The following SPG11 variants were observed in gnomAD, a reference collection of about 807,000 sequenced individuals.
The protein encoded by SPG11 is spatacsin.
A neutral mutation model predicts 274.0 loss-of-function variants in SPG11; 222 were observed. The ratio of observed to expected loss-of-function variants is 0.81; its 90% CI spans 0.73 to 0.91. The LOEUF is 0.91. SPG11 is among the 40% of genes least tolerant of loss of function. The pLI is 0.00. For missense variants in SPG11, 3,114 were observed against 2,872.7 expected, an observed-to-expected ratio of 1.08 and a Z score of -1.92; for synonymous variants, 1,144 against 1,039.7, an observed-to-expected ratio of 1.10 and a Z score of -1.93.
chr15:44,646,193 C>T (rs555967971), intron 7 of SPG11, among the ~76,000 whole-genome samples: 4 of 152,206 alleles, frequency 2.6e-5, no homozygotes, highest in African/African-American at 9.6e-5. Flanking sequence ...ATATTCCTCA[C>T]GGCACTATTG....
rs756274932 is a variant in SPG11, at chr15:44,600,491, A to T, written c.3662T>A (p.Ile1221Asn). 2 of 1,614,096 alleles carry T rather than the reference A, an allele frequency of 1.2e-6. No homozygotes were observed. The highest frequency in any genetic ancestry group is 1.7e-6 in the Non-Finnish European group (2 of 1,179,994). ...CAGCTGCTTGGGAGTCTTGCTCTTG[A>T]TTAATTCCTGGACCAGAAAAGTACC... ...AFGTFLVQEL[I>N]KSKTPKQLIQ... The change falls in exon 21 of 40, where the codon ATC (isoleucine) becomes AAC (asparagine). Residue 1221 changes from isoleucine (I) to asparagine (N), a missense_variant. Physicochemically the swap from Ile to Asn is moderately radical, Grantham distance 149. Transcript: ENST00000261866.
intron 8 of SPG11, among the ~76,000 whole-genome samples, chr15:44,632,596 G>T (rs2084102689): frequency 6.6e-6 from 1 of 150,986 alleles, no homozygotes; most frequent in South Asian, 2.1e-4. Flanking sequence ...CTGCAGCCTA[G>T]ACCTCCCAGA....
chr15:44,566,029 AG>A lies in SPG11; in HGVS notation c.6844-21del, dbSNP rs776784124. ...GGAGTCCTGAGGAACAAGGGTGGAG[AG>A]GCACAGTAGAGAAAGACCTAGTTGT... is the stretch of plus-strand genomic sequence containing the variant. On this transcript the variant is annotated intron_variant, in intron 37 of 39. Coordinates refer to ENST00000261866, the MANE Select transcript of SPG11 (RefSeq NM_025137.4). 1.2e-6 allele frequency: 2 copies of A among 1,613,186 alleles called. No homozygotes were observed. The highest frequency in any genetic ancestry group is 1.7e-6 in the Non-Finnish European group (2 of 1,179,982).
At chr15:44,612,190 T>C (rs2083477331) in intron 17 of SPG11, among the ~76,000 whole-genome samples, 2 of 152,200 alleles carry the variant, frequency 1.3e-5, no homozygotes, top group African/African-American at 2.4e-5. Flanking sequence ...AAAACATAGA[T>C]GTTTCTTGTT....
chr15:44,570,790 C>T (rs1052101845), intron 33 of SPG11, 132 bp from the exon 34 acceptor site: 9 of 1,170,222 alleles, frequency 7.7e-6, no homozygotes, highest in East Asian at 2.6e-5. Context: ...ATCAGCCCTC[C>T]GAAGTCCCTG....
intron 11 of SPG11, 77 bp from the exon 12 acceptor site, chr15:44,622,876 C>T: frequency 1.0e-6 from 1 of 973,692 alleles, no homozygotes; most frequent in Non-Finnish European, 1.7e-6. Context: ...GTGTTAGATA[C>T]AGAAACACCC....
At chr15:44,652,377 A>C in intron 4 of SPG11, 111 bp from the exon 5 acceptor site, 1 of 1,163,158 alleles carries the variant, frequency 8.6e-7, no homozygotes, top group Non-Finnish European at 1.2e-6. Context: ...ATAGTACAAC[A>C]AATTCCGCAG....
chr15:44,640,181 G>A (rs1259534284), intron 7 of SPG11, among the ~76,000 whole-genome samples: 1 of 152,190 alleles, frequency 6.6e-6, no homozygotes, highest in East Asian at 1.9e-4. Flanking sequence ...CTGCACTCCA[G>A]CCTGGGTGAC....
At chr15:44,596,388 C>G in intron 24 of SPG11, 33 bp from the exon 25 acceptor site, 10 of 1,612,518 alleles carry the variant, frequency 6.2e-6, no homozygotes, top group Non-Finnish European at 8.5e-6. Context: ...AAACAGAAAC[C>G]CAACTTTCAG....
At chr15:44,643,017 G>C (rs76246194) in intron 7 of SPG11, among the ~76,000 whole-genome samples, 3,006 of 152,232 alleles carry the variant, frequency 0.02, 111 homozygotes, top group African/African-American at 0.069. Flanking sequence ...AAGAATATTT[G>C]TTTTACTATT....
chr15:44,617,410 G>A (rs2083616614), intron 15 of SPG11, among the ~76,000 whole-genome samples: 2 of 152,198 alleles, frequency 1.3e-5, no homozygotes, highest in Admixed American at 1.3e-4. Flanking sequence ...AAGGTAGGGA[G>A]GGGAATCTGA....
In SPG11 at chr15:44,608,509, G is replaced by C. The variant is rs2083379778; in HGVS notation, c.3388C>G (p.Leu1130Val). The C allele has an allele frequency of 2.5e-6, 4 of 1,614,148 alleles. No homozygotes were observed. The highest frequency in any genetic ancestry group is 3.4e-6 in the Non-Finnish European group (4 of 1,180,032). ...CTAGGAGGAGTGCACTGTGGGAAGA[G>C]AGCAGTTTTTAGCTTGGGGTAAGGA... Reference protein sequence around the residue: ...LTPYPKLKTALFPQCTPPSVL... With the variant: ...LTPYPKLKTAVFPQCTPPSVL... The change falls in exon 19 of 40, where the codon CTC (leucine) becomes GTC (valine). Residue 1130 changes from leucine (L) to valine (V), a missense_variant. Coordinates refer to ENST00000261866, the MANE Select transcript of SPG11 (RefSeq NM_025137.4).
chr15:44,600,319 C>A, intron 21 of SPG11, 148 bp downstream of exon 21: 1 of 800,220 alleles, frequency 1.2e-6, no homozygotes, highest in South Asian at 1.5e-5. Flanking sequence ...CAGAGCCTCA[C>A]TGTCACCCAG....
intron 39 of SPG11, among the ~76,000 whole-genome samples, chr15:44,563,535 G>A (rs2082241393): frequency 1.3e-5 from 2 of 152,158 alleles, no homozygotes; most frequent in South Asian, 4.1e-4. Flanking sequence ...ACAGCGTTCT[G>A]CTATGTTGGC....
At chr15:44,626,535 A>C (rs1182962814) in intron 10 of SPG11, 28 bp from the exon 11 acceptor site, 3 of 1,610,640 alleles carry the variant, frequency 1.9e-6, no homozygotes, top group Non-Finnish European at 1.7e-6. Context: ...TTTGCCTTTT[A>C]AGTTCTTTTT....
At chr15:44,595,205 A>T (rs547698561) in intron 26 of SPG11, 54 bp downstream of exon 26, 1 of 1,525,924 alleles carries the variant, frequency 6.6e-7, no homozygotes, top group East Asian at 2.2e-5. Flanking sequence ...CCAAGAAGGG[A>T]TATGCTGAAG....
rs577315436 is a variant in SPG11, at chr15:44,617,935, C to A, written c.2834+2255G>T. Reference sequence around the variant, plus strand: ...AACTGATCTGCCTACCTCAGCCTCCCAAAGTGCTGGGATTACAGGTGTGAG... The same window carrying A: ...AACTGATCTGCCTACCTCAGCCTCCAAAAGTGCTGGGATTACAGGTGTGAG... On this transcript the variant is annotated intron_variant, in intron 15 of 39. Transcript: ENST00000261866. Among the ~76,000 whole-genome samples the A allele has an allele frequency of 1.9e-4, 29 of 152,240 alleles. 1 individual carries two copies. The South Asian group carries it at 2.1e-3, about 11-fold the overall frequency.
At chr15:44,658,133 G>C (rs2084993419) in intron 3 of SPG11, among the ~76,000 whole-genome samples, 1 of 152,174 alleles carries the variant, frequency 6.6e-6, no homozygotes, top group African/African-American at 2.4e-5. Flanking sequence ...CTACTGTTCT[G>C]GACAGTGCAG....
chr15:44,650,274 T>C, intron 6 of SPG11, among the ~76,000 whole-genome samples: 1 of 152,112 alleles, frequency 6.6e-6, no homozygotes, highest in Non-Finnish European at 1.5e-5. Context: ...ATCCTAGCAC[T>C]TTGGGAGGCC....
Sources: gnomAD v4.1 joint callset for allele counts (sites outside exome capture counted in the v4.1 genomes callset) on GRCh38, gnomAD v4.1.1 for gene constraint, MANE v1.5 for transcripts, NCBI Gene and HGNC (gene_info 2026-07-23, HGNC 2026-07-21) for gene names.